ZFHX3: variants seen among roughly 807,000 people sequenced by gnomAD.
The protein encoded by ZFHX3 is zinc finger homeobox protein 3.
A neutral mutation model predicts 279.1 loss-of-function variants in ZFHX3; 42 were observed. The ratio of observed to expected loss-of-function variants is 0.15; its 90% CI spans 0.12 to 0.19. The LOEUF is 0.19. ZFHX3 is among the 10% of genes least tolerant of loss of function. ZFHX3 has a pLI of 1.00. For synonymous variants in ZFHX3, 2,293 were observed against 1,957.8 expected (o/e 1.17, Z -4.52); for missense variants, 4,981 against 4,754.0 (o/e 1.05, Z -1.40).
intron 2 of ZFHX3, among the ~76,000 whole-genome samples, chr16:73,498,731 A>C (rs972237781): frequency 1.3e-5 from 2 of 152,202 alleles, no homozygotes; most frequent in African/African-American, 4.8e-5. Context: ...CGGTGCAGAC[A>C]AAACCAAGGC....
At chr16:73,550,323 C>T (rs900076087) in intron 2 of ZFHX3, among the ~76,000 whole-genome samples, 1 of 152,158 alleles carries the variant, frequency 6.6e-6, no homozygotes, top group Admixed American at 6.5e-5. Flanking sequence ...ATTTAGCCCC[C>T]TCTGCTGACC....
chr16:73,555,422 G>A (rs1342269519), intron 2 of ZFHX3, among the ~76,000 whole-genome samples: 1 of 152,012 alleles, frequency 6.6e-6, no homozygotes, highest in Non-Finnish European at 1.5e-5. Flanking sequence ...CCAAAGTGCT[G>A]GGATTACAGG....
chr16:73,666,778 C>A (rs2052846893), intron 2 of ZFHX3, among the ~76,000 whole-genome samples: 1 of 151,818 alleles, frequency 6.6e-6, no homozygotes, highest in African/African-American at 2.4e-5. Flanking sequence ...ATCCATCTGC[C>A]CTGTCCTGCC....
At chr16:73,343,284 T>C (rs1022104198) in intron 3 of ZFHX3, among the ~76,000 whole-genome samples, 1 of 151,020 alleles carries the variant, frequency 6.6e-6, no homozygotes, top group African/African-American at 2.5e-5. Flanking sequence ...ATTAATGATA[T>C]CCCAGTAGCC....
At chr16:73,760,676 A>G (rs894848021) in intron 1 of ZFHX3, among the ~76,000 whole-genome samples, 11 of 152,244 alleles carry the variant, frequency 7.2e-5, no homozygotes, top group Admixed American at 7.2e-4. Context: ...CAAGATATGC[A>G]AATCAATAAA....
intron 4 of ZFHX3, among the ~76,000 whole-genome samples, chr16:73,273,624 T>A (rs533977173): frequency 6.6e-6 from 1 of 152,312 alleles, no homozygotes. Context: ...TGTTTCCGCA[T>A]CAGTTTTTTA....
chr16:73,146,446 T>C (rs1026355616), intron 5 of ZFHX3, among the ~76,000 whole-genome samples: 2 of 148,714 alleles, frequency 1.3e-5, no homozygotes, highest in Non-Finnish European at 3.0e-5. Flanking sequence ...AAAAAAAAGA[T>C]CTTCTGAAAG....
At chr16:73,708,324 A>G (rs1328340850) in intron 1 of ZFHX3, among the ~76,000 whole-genome samples, 4 of 152,206 alleles carry the variant, frequency 2.6e-5, no homozygotes, top group Admixed American at 2.6e-4. Flanking sequence ...TCACTTCTCA[A>G]TTAAGAATAC....
intron 2 of ZFHX3, among the ~76,000 whole-genome samples, chr16:73,594,821 C>T (rs144235844): frequency 3.9e-5 from 6 of 152,288 alleles, no homozygotes; most frequent in Non-Finnish European, 5.9e-5. Context: ...TAGAAATGTG[C>T]TTTTGTTTCC....
At chr16:73,107,050 C>A (rs933157500) in intron 7 of ZFHX3, among the ~76,000 whole-genome samples, 1 of 152,204 alleles carries the variant, frequency 6.6e-6, no homozygotes, top group African/African-American at 2.4e-5. Context: ...GGTGCAGTGC[C>A]TCATGCCTAT....
intron 5 of ZFHX3, among the ~76,000 whole-genome samples, chr16:73,220,253 C>T (rs1430161870): frequency 1.3e-5 from 2 of 152,144 alleles, no homozygotes; most frequent in Admixed American, 1.3e-4. Context: ...ACTATGCTTA[C>T]TACCTGGGTG....
chr16:73,216,785 A>AAAAAG (rs1397087442), intron 5 of ZFHX3, among the ~76,000 whole-genome samples: 5 of 150,752 alleles, frequency 3.3e-5, no homozygotes, highest in Non-Finnish European at 1.5e-5. Context: ...GAAAAAAAAA[A>AAAAAG]AGGACTCAAA....
Position 73,780,591 on chromosome 16 carries a change from G to A in ZFHX3, c.-1607-100351C>T, listed in dbSNP as rs112259343. On this transcript the variant is annotated intron_variant, in intron 1 of 17. Transcript: ENST00000641206. ...CCAAGGAGCTGGATTACAGGCATGC[G>A]CCACCACGCCCAGCTAATTTTTGTA... 6.0e-4 allele frequency among the ~76,000 whole-genome samples: 91 copies of A among 151,942 alleles called. 1 individual carries two copies. The highest frequency in any genetic ancestry group is 2.0e-3 in the African/African-American group (83 of 41,446).
At chr16:73,363,021 T>A (rs2016459030) in intron 3 of ZFHX3, among the ~76,000 whole-genome samples, 2 of 152,246 alleles carry the variant, frequency 1.3e-5, no homozygotes, top group South Asian at 4.1e-4. Context: ...AGTCTATTTC[T>A]CTATCTGGGA....
intron 4 of ZFHX3, among the ~76,000 whole-genome samples, chr16:73,278,089 A>G (rs1158492007): frequency 6.6e-6 from 1 of 152,196 alleles, no homozygotes; most frequent in African/African-American, 2.4e-5. Flanking sequence ...GATCTAAACC[A>G]TACCAGTCTA....
chr16:73,580,590 G>C (rs2051851338), intron 2 of ZFHX3, among the ~76,000 whole-genome samples: 1 of 151,444 alleles, frequency 6.6e-6, no homozygotes, highest in South Asian at 2.1e-4. Context: ...AAGAAAGACA[G>C]GATAAACGCT....
intron 1 of ZFHX3, among the ~76,000 whole-genome samples, chr16:73,863,860 ATTT>A (rs1157385584): frequency 6.6e-6 from 1 of 152,148 alleles, no homozygotes; most frequent in East Asian, 1.9e-4. Context: ...CACAGTCATA[ATTT>A]TTTACTAGTT....
chr16:72,870,619 G>C (rs1281697914), intron 4 of ZFHX3, among the ~76,000 whole-genome samples: 1 of 149,848 alleles, frequency 6.7e-6, no homozygotes, highest in Non-Finnish European at 1.5e-5. Flanking sequence ...TTGGGAGGCT[G>C]AGGCAGGAGA....
At chr16:73,210,533 T>C (rs910259577) in intron 5 of ZFHX3, among the ~76,000 whole-genome samples, 1 of 152,212 alleles carries the variant, frequency 6.6e-6, no homozygotes, top group Non-Finnish European at 1.5e-5. Flanking sequence ...GAAAGTGCTG[T>C]TTTAGGGTTG....
Sources: allele counts gnomAD v4.1 joint callset (sites outside exome capture counted in the v4.1 genomes callset), GRCh38; gene constraint gnomAD v4.1.1; transcripts MANE v1.5; gene names NCBI Gene and HGNC (gene_info 2026-07-23, HGNC 2026-07-21).